The following RRAS2 variants were observed in gnomAD, a reference collection of about 807,000 sequenced individuals.
RRAS2 encodes ras-related protein R-Ras2.
In RRAS2, 7 loss-of-function variants were observed where a neutral mutation model predicts 27.6. That is an observed-to-expected ratio of 0.25 (90% confidence interval 0.14 to 0.48). RRAS2 has a LOEUF of 0.48. Ranked by LOEUF, RRAS2 falls within the 20% of genes least tolerant of loss-of-function variation. The probability of loss-of-function intolerance (pLI) is 0.99; values close to 1 mark genes in which losing one functional copy is unlikely to be tolerated. For synonymous variants in RRAS2, 86 were observed against 90.9 expected (o/e 0.95, Z 0.31); for missense variants, 178 against 256.2 (o/e 0.69, Z 2.08).
chr11:14,323,454 T>C (rs1201257853), intron 1 of RRAS2, among the ~76,000 whole-genome samples: 1 of 145,944 alleles, frequency 6.9e-6, no homozygotes, highest in African/African-American at 2.6e-5. Context: ...CGAGACCCTG[T>C]CTCAAAAAAA....
chr11:14,321,636 C>G (rs782692569), intron 1 of RRAS2, among the ~76,000 whole-genome samples: 32 of 152,264 alleles, frequency 2.1e-4, no homozygotes, highest in Non-Finnish European at 3.7e-4. Context: ...AGATTTAGCT[C>G]CCTTTCCACT....
intron 1 of RRAS2, among the ~76,000 whole-genome samples, chr11:14,317,865 A>G (rs1848145121): frequency 1.3e-5 from 2 of 152,318 alleles, no homozygotes; most frequent in Admixed American, 1.3e-4. Flanking sequence ...CAGGAGTGCA[A>G]GGCTGAGGTG....
At chr11:14,344,336 A>G (rs1413085539) in intron 1 of RRAS2, among the ~76,000 whole-genome samples, 1 of 152,162 alleles carries the variant, frequency 6.6e-6, no homozygotes, top group Non-Finnish European at 1.5e-5. Context: ...CCAAAAACCC[A>G]CAAACCTCTC....
exon 1 of RRAS2, chr11:14,364,429 ATG>A (rs1316248936): frequency 5.2e-6 from 8 of 1,534,184 alleles, no homozygotes; most frequent in Non-Finnish European, 7.0e-6. Context: ...TATTTCCTTA[ATG>A]GGCCATTGCT....
intron 1 of RRAS2, among the ~76,000 whole-genome samples, chr11:14,323,225 T>A (rs1426302961): frequency 1.3e-5 from 2 of 151,986 alleles, no homozygotes; most frequent in Non-Finnish European, 2.9e-5. Flanking sequence ...GATGAGAGGA[T>A]CACTTAAGCC....
At chr11:14,291,153 GA>G (rs1421085069) in intron 4 of RRAS2, among the ~76,000 whole-genome samples, 1 of 152,194 alleles carries the variant, frequency 6.6e-6, no homozygotes. Flanking sequence ...ATTTCTCACA[GA>G]AACAGGAAAA....
At chr11:14,307,254 A>C (rs1554948209) in intron 1 of RRAS2, among the ~76,000 whole-genome samples, 1 of 152,022 alleles carries the variant, frequency 6.6e-6, no homozygotes, top group Non-Finnish European at 1.5e-5. Flanking sequence ...AAGCAGAAAA[A>C]GGAAGAGGGA....
rs185822496 is a variant in RRAS2, at chr11:14,278,175, A to G, written c.*1162T>C. Reference sequence around the variant, plus strand: ...CTTAATACTTGAAATAACAATCAATATCTAGCAGGGAATACTGAAAGTGAT... The same window carrying G: ...CTTAATACTTGAAATAACAATCAATGTCTAGCAGGGAATACTGAAAGTGAT... On this transcript the variant is annotated 3_prime_UTR_variant, in exon 6 of 6. Coordinates refer to ENST00000256196, the MANE Select transcript of RRAS2 (RefSeq NM_012250.6). The G allele has an allele frequency of 2.3e-4, 35 of 152,338 alleles. No homozygotes were observed. Among genetic ancestry groups the G allele is most frequent in the African/African-American group, 7.2e-4 (30 of 41,590 alleles). 9.4% of individuals were successfully genotyped at this position (152,338 alleles called of 1,614,324 possible). A position where few individuals can be genotyped will look rare whatever the true frequency, so the allele number is the denominator to read the frequency against.
chr11:14,330,056 C>T (rs1238024526), intron 1 of RRAS2, among the ~76,000 whole-genome samples: 1 of 152,068 alleles, frequency 6.6e-6, no homozygotes. Context: ...GGCTGGGCCA[C>T]AGACTAAGAC....
chr11:14,310,417 AG>A, intron 1 of RRAS2, among the ~76,000 whole-genome samples: 2 of 152,272 alleles, frequency 1.3e-5, no homozygotes, highest in South Asian at 4.1e-4. Flanking sequence ...CACTGTTGGG[AG>A]GTCAGGAAAA....
In RRAS2 at chr11:14,339,342, T is replaced by C. The variant is rs1306157633; in HGVS notation, c.108+19421A>G. Among the ~76,000 whole-genome samples the C allele has an allele frequency of 2.1e-5, 3 of 141,496 alleles. No individual in the cohort carries two copies. The Admixed American group carries it at 2.1e-4, about 10-fold the overall frequency. 92.8% of individuals were successfully genotyped at this position (141,496 alleles called of 152,430 possible). A position where few individuals can be genotyped will look rare whatever the true frequency, so the allele number is the denominator to read the frequency against. On this transcript the variant is annotated intron_variant, in intron 1 of 5. Coordinates refer to ENST00000256196, the MANE Select transcript of RRAS2 (RefSeq NM_012250.6). Reference sequence around the variant, plus strand: ...TATAATAAAAAAATAAAAAGACCGATCCATTTTTTGTTTTGTTTTTGCTTT... The same window carrying C: ...TATAATAAAAAAATAAAAAGACCGACCCATTTTTTGTTTTGTTTTTGCTTT...
intron 1 of RRAS2, among the ~76,000 whole-genome samples, chr11:14,317,783 G>A (rs1002332768): frequency 6.6e-6 from 1 of 152,112 alleles, no homozygotes; most frequent in Non-Finnish European, 1.5e-5. Flanking sequence ...GTACAAAGGG[G>A]AGCTGAGCAC....
intron 1 of RRAS2, among the ~76,000 whole-genome samples, chr11:14,327,979 T>C (rs782598447): frequency 3.9e-5 from 6 of 152,112 alleles, no homozygotes; most frequent in Non-Finnish European, 7.4e-5. Flanking sequence ...CAAAGTTAAA[T>C]GGCTTCATTA....
chr11:14,360,435 C>T (rs1415498833), upstream of RRAS2, among the ~76,000 whole-genome samples: 10 of 152,080 alleles, frequency 6.6e-5, no homozygotes, highest in African/African-American at 2.4e-4. Flanking sequence ...CAAGATCCCT[C>T]TGTCACCCAG....
rs371088740 is a variant in RRAS2, at chr11:14,332,426, G to A, written c.108+26337C>T. ...TGAGGCAGGAGGCCCACTTGAGCCT[G>A]GGGAGGTTGAGGCTGCAGTGAGCCA... On this transcript the variant is annotated intron_variant, in intron 1 of 5. Coordinates refer to ENST00000256196, the MANE Select transcript of RRAS2 (RefSeq NM_012250.6). Among the ~76,000 whole-genome samples, 14 of 152,240 alleles carry A rather than the reference G, an allele frequency of 9.2e-5. No individual in the cohort carries two copies. In the South Asian group the frequency reaches 1.7e-3, roughly 18 times the overall value.
Position 14,319,880 on chromosome 11 carries a change from A to G in RRAS2, c.109-24025T>C, listed in dbSNP as rs191147242. ...TGATCAAAACAACAAAAATAAGATT[A>G]TAATTCCAGTTTACTGATGGACTCG... On this transcript the variant is annotated intron_variant, in intron 1 of 5. Transcript: ENST00000256196. Among the ~76,000 whole-genome samples, 6 of 152,362 alleles carry G rather than the reference A, an allele frequency of 3.9e-5. No homozygotes were observed. In the East Asian group the frequency reaches 1.2e-3, roughly 29 times the overall value.
intron 4 of RRAS2, among the ~76,000 whole-genome samples, chr11:14,292,632 G>C (rs1437731762): frequency 6.6e-6 from 1 of 151,926 alleles, no homozygotes; most frequent in Non-Finnish European, 1.5e-5. Flanking sequence ...TCTATGCTAG[G>C]TTTATAATGT....
chr11:14,322,403 G>A (rs1419860642), intron 1 of RRAS2, among the ~76,000 whole-genome samples: 1 of 151,664 alleles, frequency 6.6e-6, no homozygotes. Flanking sequence ...CAGCGTCACT[G>A]CACTCCAGCC....
At chr11:14,315,051 C>G (rs1358841471) in intron 1 of RRAS2, among the ~76,000 whole-genome samples, 1 of 152,202 alleles carries the variant, frequency 6.6e-6, no homozygotes, top group Non-Finnish European at 1.5e-5. Flanking sequence ...GCAAAAGTCT[C>G]ACTAACTCCA....
Sources: gnomAD v4.1 joint callset for allele counts (sites outside exome capture counted in the v4.1 genomes callset) on GRCh38, gnomAD v4.1.1 for gene constraint, MANE v1.5 for transcripts, NCBI Gene and HGNC (gene_info 2026-07-23, HGNC 2026-07-21) for gene names.